Variants in SPHK1 observed in about 807,000 individuals in gnomAD.
SPHK1 encodes the protein sphingosine kinase 1.
In SPHK1, 10 loss-of-function variants were observed where a neutral mutation model predicts 14.6. The observed-to-expected ratio is 0.68, with a 90% CI of 0.42 to 1.16. The LOEUF is 1.16. Among genes scored for constraint, SPHK1 ranks in the 50% most tolerant of loss-of-function variants. The pLI is 0.00. For synonymous variants in SPHK1, 274 were observed against 224.0 expected, an observed-to-expected ratio of 1.22 and a Z score of -1.99; for missense variants, 553 against 525.4, an observed-to-expected ratio of 1.05 and a Z score of -0.51.
In SPHK1 at chr17:76,387,394, T is replaced by C. The variant is rs3744037; in HGVS notation, c.963T>C (p.Tyr321=). ...AGTATGAATGCCCCTACTTGGTATA[T>C]GTGCCCGTGGTCGCCTTCCGCTTGG... ...HMEYECPYLV[Y]VPVVAFRLEP... Residue 321 remains tyrosine (Y), a synonymous_variant, in exon 6 of 6, where the codon TAT becomes TAC. Coordinates refer to ENST00000592299, the MANE Select transcript of SPHK1 (RefSeq NM_001142601.2). The surrounding 1 kb of genome is among the most constrained non-coding windows in gnomAD (Gnocchi z 4.1). The C allele has an allele frequency of 0.17, 269,922 of 1,613,512 alleles. 24,656 individuals are homozygous for C. Among genetic ancestry groups the C allele is most frequent in the East Asian group, 0.4 (17,934 of 44,824 alleles).
In SPHK1 at chr17:76,385,303, G is replaced by A. The variant is rs2071946016; in HGVS notation, c.-194-148G>A. 4 of 1,462,250 alleles carry A rather than the reference G, an allele frequency of 2.7e-6. No homozygotes were observed. Among genetic ancestry groups the A allele is most frequent in the Non-Finnish European group, 2.7e-6 (3 of 1,106,260 alleles). 90.6% of individuals were successfully genotyped at this position (1,462,250 alleles called of 1,614,324 possible). A position where few individuals can be genotyped will look rare whatever the true frequency, so the allele number is the denominator to read the frequency against. On this transcript the variant is annotated intron_variant, in intron 1 of 5. Transcript: ENST00000592299. This position sits in a 1 kb window ranked among gnomAD's most constrained non-coding sequence, Gnocchi z 5.3. The stretch of plus-strand genomic sequence containing the variant: ...GGGATTGTAGGCTTAGTCACACGGC[G>A]GGGGCGCCCTCGGAGGCACCGGACC...
intron 1 of SPHK1, 112 bp downstream of exon 1, chr17:76,384,918 G>A (rs967513529): frequency 7.1e-6 from 4 of 561,340 alleles, no homozygotes; most frequent in Non-Finnish European, 2.9e-6. Context: ...GCGGCAGCTG[G>A]TGGCCCGGTT....
chr17:76,386,802 G>A lies in SPHK1; in HGVS notation c.375-4G>A. 1 of 1,532,080 alleles carries A rather than the reference G, an allele frequency of 6.5e-7. No homozygotes were observed. 94.9% of individuals were successfully genotyped at this position (1,532,080 alleles called of 1,614,324 possible). Reference sequence around the variant, plus strand: ...CTGCCTTATCTGACTTTTTCCCCCTGCAGCTATGAGCAGGTCACCAATGAA... The same window carrying A: ...CTGCCTTATCTGACTTTTTCCCCCTACAGCTATGAGCAGGTCACCAATGAA... On this transcript the variant is annotated splice_polypyrimidine_tract_variant and splice_region_variant and intron_variant, in intron 5 of 5. Transcript: ENST00000592299. This position sits in a 1 kb window ranked among gnomAD's most constrained non-coding sequence, Gnocchi z 5.3.
At position 76,387,638 on chromosome 17, in the gene SPHK1, C is replaced by T. The variant is rs982256961; in HGVS notation, c.*52C>T. ...TCTACTTGCAGGACCCTTCCTCCTT[C>T]CCTAGGGCTGCAGGGCCTGTCCACA... On this transcript the variant is annotated 3_prime_UTR_variant, in exon 6 of 6. Coordinates refer to ENST00000592299, the MANE Select transcript of SPHK1 (RefSeq NM_001142601.2). This position sits in a 1 kb window ranked among gnomAD's most constrained non-coding sequence, Gnocchi z 4.1. 4 of 1,519,420 alleles carry T rather than the reference C, an allele frequency of 2.6e-6. No homozygotes were observed. The highest frequency in any genetic ancestry group is 3.5e-6 in the Non-Finnish European group (4 of 1,137,020). 94.1% of individuals were successfully genotyped at this position (1,519,420 alleles called of 1,614,324 possible). A position where few individuals can be genotyped will look rare whatever the true frequency, so the allele number is the denominator to read the frequency against.
At chr17:76,383,644 A>C (rs2071906984), upstream of SPHK1, 1 of 348,524 alleles carries the variant, frequency 2.9e-6, no homozygotes, top group Non-Finnish European at 5.6e-6. Flanking sequence ...GGCCTTGGCA[A>C]CTTCTTCCTC....
chr17:76,384,262 G>A (rs1348532316), upstream of SPHK1: 4 of 152,090 alleles, frequency 2.6e-5, no homozygotes, highest in African/African-American at 9.7e-5. Context: ...GCTCCGACAC[G>A]AGTTCGCGCG....
In SPHK1 at chr17:76,386,675, C is replaced by G; in HGVS notation, c.375-131C>G. Reference sequence around the variant, plus strand: ...AGCTGACTGCTTCCATTTGCTCCATCTGTCACCTACCAGTCCTGCCAACTC... The same window carrying G: ...AGCTGACTGCTTCCATTTGCTCCATGTGTCACCTACCAGTCCTGCCAACTC... On this transcript the variant is annotated intron_variant, in intron 5 of 5. Transcript: ENST00000592299. The surrounding 1 kb of genome is among the most constrained non-coding windows in gnomAD (Gnocchi z 5.3). 1 of 1,217,026 alleles carries G rather than the reference C, an allele frequency of 8.2e-7. No homozygotes were observed. The highest frequency in any genetic ancestry group is 1.5e-5 in the South Asian group (1 of 67,628). 75.4% of individuals were successfully genotyped at this position (1,217,026 alleles called of 1,614,324 possible).
Position 76,385,231 on chromosome 17 carries a change from G to A in SPHK1, c.-194-220G>A, listed in dbSNP as rs1427573081. 2 of 1,543,816 alleles carry A rather than the reference G, an allele frequency of 1.3e-6. No homozygotes were observed. The highest frequency in any genetic ancestry group is 2.7e-5 in the African/African-American group (2 of 72,998). On this transcript the variant is annotated intron_variant, in intron 1 of 5. Coordinates refer to ENST00000592299, the MANE Select transcript of SPHK1 (RefSeq NM_001142601.2). The surrounding 1 kb of genome is among the most constrained non-coding windows in gnomAD (Gnocchi z 5.3). The stretch of plus-strand genomic sequence containing the variant: ...CTGACTCATCCGTCGGGCCGGAACC[G>A]AACCCCAAGCCCCAGGGAGAAAGCC...
At position 76,385,071 on chromosome 17, in the gene SPHK1, G is replaced by A. The variant is rs978882496; in HGVS notation, c.-195+265G>A. Reference sequence around the variant, plus strand: ...GGGACACGGCAACCTGGATGGCTGGGGCAGGGATCCTCTCCCAGAACTTCG... The same window carrying A: ...GGGACACGGCAACCTGGATGGCTGGAGCAGGGATCCTCTCCCAGAACTTCG... On this transcript the variant is annotated intron_variant, in intron 1 of 5. Transcript: ENST00000592299. This position sits in a 1 kb window ranked among gnomAD's most constrained non-coding sequence, Gnocchi z 5.3. 10 of 1,547,588 alleles carry A rather than the reference G, an allele frequency of 6.5e-6. No homozygotes were observed. In the Admixed American group the frequency reaches 7.9e-5, roughly 12 times the overall value.
In SPHK1 at chr17:76,387,617, C is replaced by G; in HGVS notation, c.*31C>G. On this transcript the variant is annotated 3_prime_UTR_variant, in exon 6 of 6. Transcript: ENST00000592299. The surrounding 1 kb of genome is among the most constrained non-coding windows in gnomAD (Gnocchi z 4.1). Reference sequence around the variant, plus strand: ...GGGCCGCGCTGTGCCTTAGTGTCTACTTGCAGGACCCTTCCTCCTTCCCTA... The same window carrying G: ...GGGCCGCGCTGTGCCTTAGTGTCTAGTTGCAGGACCCTTCCTCCTTCCCTA... 1 of 1,536,930 alleles carries G rather than the reference C, an allele frequency of 6.5e-7. No homozygotes were observed. Among genetic ancestry groups the G allele is most frequent in the Non-Finnish European group, 8.7e-7 (1 of 1,146,186 alleles).
Position 76,387,228 on chromosome 17 carries a change from C to T in SPHK1, c.797C>T (p.Ser266Leu), listed in dbSNP as rs149492135. Residue 266 changes from serine (S) to leucine (L), a missense_variant, in exon 6 of 6, where the codon TCG (serine) becomes TTG (leucine). By Grantham distance (145) the Ser-to-Leu change is moderately radical (BLOSUM62 -2). Coordinates refer to ENST00000592299, the MANE Select transcript of SPHK1 (RefSeq NM_001142601.2). This position sits in a 1 kb window ranked among gnomAD's most constrained non-coding sequence, Gnocchi z 4.1. The part of the protein sequence containing the change: ...DFVLVLALLH[S>L]HLGSEMFAAP... ...GTGCTAGTCCTGGCACTGCTGCACT[C>T]GCACCTGGGCAGTGAGATGTTTGCT... 2.6e-5 allele frequency: 42 copies of T among 1,613,072 alleles called. 1 individual carries two copies. Among genetic ancestry groups the T allele is most frequent in the South Asian group, 2.0e-4 (18 of 91,012 alleles).
At chr17:76,384,974 G>C (rs2071935688) in intron 1 of SPHK1, 168 bp downstream of exon 1, 2 of 1,068,132 alleles carry the variant, frequency 1.9e-6, no homozygotes, top group Non-Finnish European at 2.6e-6. Context: ...CACGAGCGCC[G>C]CGCGCGTCGC....
At position 76,386,642 on chromosome 17, in the gene SPHK1, G is replaced by A; in HGVS notation, c.374+134G>A. The A allele has an allele frequency of 8.6e-7, 1 of 1,158,906 alleles. No individual in the cohort carries two copies. The highest frequency in any genetic ancestry group is 1.2e-6 in the Non-Finnish European group (1 of 831,488). The allele number at this position is 1,158,906 out of a possible 1,614,324, so 71.8% of individuals were successfully genotyped here. ...CCCTTAGTCCTGGGGCCCTCTCCTG[G>A]TGACCCCAGCTGACTGCTTCCATTT... On this transcript the variant is annotated intron_variant, in intron 5 of 5. Coordinates refer to ENST00000592299, the MANE Select transcript of SPHK1 (RefSeq NM_001142601.2). This position sits in a 1 kb window ranked among gnomAD's most constrained non-coding sequence, Gnocchi z 5.3.
At position 76,385,222 on chromosome 17, in the gene SPHK1, G is replaced by A; in HGVS notation, c.-194-229G>A. On this transcript the variant is annotated intron_variant, in intron 1 of 5. Transcript: ENST00000592299. The surrounding 1 kb of genome is among the most constrained non-coding windows in gnomAD (Gnocchi z 5.3). Reference sequence around the variant, plus strand: ...CACGGGGCTCTGACTCATCCGTCGGGCCGGAACCGAACCCCAAGCCCCAGG... The same window carrying A: ...CACGGGGCTCTGACTCATCCGTCGGACCGGAACCGAACCCCAAGCCCCAGG... The A allele has an allele frequency of 6.5e-7, 1 of 1,550,284 alleles. No homozygotes were observed. Among genetic ancestry groups the A allele is most frequent in the Non-Finnish European group, 8.7e-7 (1 of 1,147,608 alleles).
At chr17:76,384,043 A>T, upstream of SPHK1, 1 of 348,810 alleles carries the variant, frequency 2.9e-6, no homozygotes, top group Non-Finnish European at 5.0e-6. Context: ...AGGAAGAAAG[A>T]GGGAAGCTGG....
chr17:76,387,380 C>T lies in SPHK1; in HGVS notation c.949C>T (p.Pro317Ser), dbSNP rs146794156. Reference sequence around the variant, plus strand: ...GGGCAGGCATATGGAGTATGAATGCCCCTACTTGGTATATGTGCCCGTGGT... The same window carrying T: ...GGGCAGGCATATGGAGTATGAATGCTCCTACTTGGTATATGTGCCCGTGGT... ...EKGRHMEYEC[P>S]YLVYVPVVAF... is the part of the protein sequence containing the mutation. Residue 317 changes from proline to serine, a missense_variant, in exon 6 of 6, where the codon CCC becomes TCC. Coordinates refer to ENST00000592299, the MANE Select transcript of SPHK1 (RefSeq NM_001142601.2). The surrounding 1 kb of genome is among the most constrained non-coding windows in gnomAD (Gnocchi z 4.1). The T allele has an allele frequency of 7.1e-5, 115 of 1,613,864 alleles. No homozygotes were observed. The African/African-American group carries it at 9.3e-4, about 13-fold the overall frequency.
At chr17:76,383,537 G>A (rs2071903401), upstream of SPHK1, 2 of 273,778 alleles carry the variant, frequency 7.3e-6, no homozygotes, top group South Asian at 2.7e-5. Flanking sequence ...GAGGTGTGTG[G>A]GGGCGGGTGG....
At position 76,385,224 on chromosome 17, in the gene SPHK1, C is replaced by T; in HGVS notation, c.-194-227C>T. 1 of 1,547,374 alleles carries T rather than the reference C, an allele frequency of 6.5e-7. No homozygotes were observed. Among genetic ancestry groups the T allele is most frequent in the Non-Finnish European group, 8.7e-7 (1 of 1,146,016 alleles). On this transcript the variant is annotated intron_variant, in intron 1 of 5. Coordinates refer to ENST00000592299, the MANE Select transcript of SPHK1 (RefSeq NM_001142601.2). The surrounding 1 kb of genome is among the most constrained non-coding windows in gnomAD (Gnocchi z 5.3). ...CGGGGCTCTGACTCATCCGTCGGGC[C>T]GGAACCGAACCCCAAGCCCCAGGGA...
Position 76,387,485 on chromosome 17 carries a change from G to C in SPHK1, c.1054G>C (p.Gly352Arg), listed in dbSNP as rs2072014972. 1 of 1,613,298 alleles carries C rather than the reference G, an allele frequency of 6.2e-7. No homozygotes were observed. The highest frequency in any genetic ancestry group is 8.5e-7 in the Non-Finnish European group (1 of 1,179,960). Residue 352 changes from glycine to arginine, a missense_variant, in exon 6 of 6, where the codon GGC (glycine) becomes CGC (arginine). By Grantham distance (125) the Gly-to-Arg change is moderately radical. Coordinates refer to ENST00000592299, the MANE Select transcript of SPHK1 (RefSeq NM_001142601.2). This position sits in a 1 kb window ranked among gnomAD's most constrained non-coding sequence, Gnocchi z 4.1. ...ATTGATGGTTAGCGAGGCCGTGCAG[G>C]GCCAGGTGCACCCAAACTACTTCTG... ...GELMVSEAVQ[G>R]QVHPNYFWMV...
Sources: gnomAD v4.1 joint callset for allele counts on GRCh38, gnomAD v4.1.1 for gene constraint, Gnocchi (gnomAD v3.1) non-coding constraint, MANE v1.5 for transcripts, NCBI Gene and HGNC (gene_info 2026-07-23, HGNC 2026-07-21) for gene names.